The following GPR158 variants were observed in gnomAD, a reference collection of about 807,000 sequenced individuals.
GPR158 encodes the protein G protein-coupled receptor 158, also known as metabotropic glycine receptor.
Under a neutral mutation model 78.2 loss-of-function variants are expected in GPR158, and 30 were observed. The observed-to-expected ratio is 0.38, with a 90% confidence interval of 0.29 to 0.52. The LOEUF (loss-of-function observed/expected upper bound fraction) is 0.52, where lower values mean the gene tolerates loss of function less well. Among genes scored for constraint, GPR158 ranks in the 20% least tolerant of loss-of-function variants. The pLI, the probability that GPR158 is intolerant of heterozygous loss-of-function variation, is 0.83. For missense variants in GPR158, 1,463 were observed against 1,523.5 expected (o/e 0.96, Z 0.66); for synonymous variants, 581 against 591.1 (o/e 0.98, Z 0.25).
intron 2 of GPR158, among the ~76,000 whole-genome samples, chr10:25,253,304 G>A (rs147370757): frequency 0.021 from 3,139 of 152,260 alleles, 36 homozygotes; most frequent in Non-Finnish European, 0.031. Flanking sequence ...GCTGTAGACC[G>A]GAGCAGTTCC....
At chr10:25,311,328 A>G (rs1854761220) in intron 2 of GPR158, among the ~76,000 whole-genome samples, 1 of 151,980 alleles carries the variant, frequency 6.6e-6, no homozygotes, top group South Asian at 2.1e-4. Flanking sequence ...CTATTTATTC[A>G]ACATTATTCT....
intron 2 of GPR158, among the ~76,000 whole-genome samples, chr10:25,254,864 T>C (rs1030140502): frequency 6.6e-6 from 1 of 152,222 alleles, no homozygotes; most frequent in Non-Finnish European, 1.5e-5. Flanking sequence ...AGACACATTC[T>C]AAAACTACTT....
chr10:25,593,733 T>A (rs1054192750), intron 8 of GPR158, among the ~76,000 whole-genome samples: 11 of 152,104 alleles, frequency 7.2e-5, no homozygotes, highest in Middle Eastern at 3.2e-3. Context: ...TTAGACAATT[T>A]GATAATTTAG....
chr10:25,439,888 G>A (rs948906800), intron 4 of GPR158, among the ~76,000 whole-genome samples: 1 of 152,052 alleles, frequency 6.6e-6, no homozygotes, highest in Admixed American at 6.5e-5. Context: ...TTAAAATCAC[G>A]GGTCTCTAAG....
At chr10:25,213,661 A>G (rs2130672993) in intron 1 of GPR158, among the ~76,000 whole-genome samples, 1 of 152,202 alleles carries the variant, frequency 6.6e-6, no homozygotes, top group African/African-American at 2.4e-5. Flanking sequence ...TGTGTGTGAA[A>G]ACATGAAAAC....
chr10:25,325,668 A>G (rs1739860982), intron 2 of GPR158, among the ~76,000 whole-genome samples: 1 of 152,048 alleles, frequency 6.6e-6, no homozygotes, highest in South Asian at 2.1e-4. Context: ...TATATTTTTA[A>G]TTTTTTGAGG....
Position 25,374,150 on chromosome 10 carries a change from G to A in GPR158, c.1009-21761G>A, listed in dbSNP as rs79235592. Among the ~76,000 whole-genome samples the A allele has an allele frequency of 1.1e-4, 17 of 151,468 alleles. No individual in the cohort carries two copies. In the East Asian group the frequency reaches 1.4e-3, roughly 12 times the overall value. Reference sequence around the variant, plus strand: ...AATTTTTGTTACTCATAAATGTGTCGTCGTGAAATGCCACTCTATTTCTTA... The same window carrying A: ...AATTTTTGTTACTCATAAATGTGTCATCGTGAAATGCCACTCTATTTCTTA... On this transcript the variant is annotated intron_variant, in intron 2 of 10. Coordinates refer to ENST00000376351, the MANE Select transcript of GPR158 (RefSeq NM_020752.3).
intron 3 of GPR158, among the ~76,000 whole-genome samples, chr10:25,404,659 G>A (rs974180163): frequency 1.3e-5 from 2 of 151,970 alleles, no homozygotes; most frequent in African/African-American, 4.8e-5. Context: ...AGTATTTTGA[G>A]TCTTTTGTAA....
At chr10:25,392,036 G>C (rs531573090) in intron 2 of GPR158, among the ~76,000 whole-genome samples, 1 of 152,232 alleles carries the variant, frequency 6.6e-6, no homozygotes, top group South Asian at 2.1e-4. Context: ...TATGTGAGAT[G>C]TGCCTTTGCT....
rs532699191 is a variant in GPR158 at position 25,599,781 on chromosome 10, T to C, written c.*507T>C. 3.2e-5 allele frequency: 5 copies of C among 154,768 alleles called. No homozygotes were observed. Among genetic ancestry groups the C allele is most frequent in the African/African-American group, 1.2e-4 (5 of 41,604 alleles). The allele number at this position is 154,768 out of a possible 1,614,324, so 9.6% of individuals were successfully genotyped here. On this transcript the variant is annotated 3_prime_UTR_variant, in exon 11 of 11. Transcript: ENST00000376351. ...ATTAATGATTGCTCTCATTTTCTTA[T>C]AAATGTATGTTTCAGTATATCGTTG...
chr10:25,218,789 T>TA (rs1400887638), intron 1 of GPR158, among the ~76,000 whole-genome samples: 1 of 152,164 alleles, frequency 6.6e-6, no homozygotes, highest in Non-Finnish European at 1.5e-5. Context: ...GACCACCCTT[T>TA]AAAAAAATTT....
chr10:25,265,451 AT>A (rs1191662046), intron 2 of GPR158, among the ~76,000 whole-genome samples: 2 of 152,148 alleles, frequency 1.3e-5, no homozygotes, highest in Non-Finnish European at 2.9e-5. Context: ...TGGGCATGTA[AT>A]AGAAAGGAGA....
chr10:25,351,015 T>C (rs1588816672), intron 2 of GPR158, among the ~76,000 whole-genome samples: 1 of 151,930 alleles, frequency 6.6e-6, no homozygotes, highest in Non-Finnish European at 1.5e-5. Flanking sequence ...ACCAAAATGC[T>C]AGGAGAAAAT....
intron 4 of GPR158, among the ~76,000 whole-genome samples, chr10:25,436,383 A>G (rs1834997488): frequency 6.6e-6 from 1 of 152,234 alleles, no homozygotes; most frequent in South Asian, 2.1e-4. Context: ...GGCAAGAGCT[A>G]TAAATGAGGG....
At chr10:25,433,996 A>G (rs1013110509) in intron 4 of GPR158, among the ~76,000 whole-genome samples, 18 of 151,986 alleles carry the variant, frequency 1.2e-4, no homozygotes, top group Non-Finnish European at 1.5e-5. Flanking sequence ...CATCTCTACT[A>G]AAAATAAAAA....
At chr10:25,244,357 A>G (rs1010022649) in intron 2 of GPR158, among the ~76,000 whole-genome samples, 2 of 152,294 alleles carry the variant, frequency 1.3e-5, no homozygotes, top group East Asian at 1.9e-4. Flanking sequence ...GACAGGAGCC[A>G]CTGCCTTTTC....
At chr10:25,351,318 G>A (rs1855467279) in intron 2 of GPR158, among the ~76,000 whole-genome samples, 2 of 152,062 alleles carry the variant, frequency 1.3e-5, no homozygotes, top group Admixed American at 6.6e-5. Flanking sequence ...AGGGAGTGCG[G>A]GTTAAGCCAG....
intron 5 of GPR158, among the ~76,000 whole-genome samples, chr10:25,471,099 C>T (rs1280382689): frequency 6.6e-6 from 1 of 151,324 alleles, no homozygotes; most frequent in Non-Finnish European, 1.5e-5. Flanking sequence ...CTAATGCTAT[C>T]CCTTGCCCCT....
chr10:25,190,330 G>GTTATTA (rs200716210), intron 1 of GPR158, among the ~76,000 whole-genome samples: 2,059 of 151,542 alleles, frequency 0.014, 49 homozygotes, highest in African/African-American at 0.048. Context: ...CATAGACATT[G>GTTATTA]TTATTATTAT....
Sources: allele counts gnomAD v4.1 joint callset (sites outside exome capture counted in the v4.1 genomes callset), GRCh38; gene constraint gnomAD v4.1.1; transcripts MANE v1.5; gene names NCBI Gene and HGNC (gene_info 2026-07-23, HGNC 2026-07-21).